Variants in PCDHGA7 observed in about 807,000 individuals in gnomAD.
PCDHGA7 encodes the protein protocadherin gamma subfamily A, 7, also known as protocadherin gamma-A7.
PCDHGA7 carries 44 observed loss-of-function variants against 58.3 expected under a neutral mutation model. The ratio of observed to expected loss-of-function variants is 0.75; its 90% CI spans 0.59 to 0.97. The LOEUF (loss-of-function observed/expected upper bound fraction) is 0.97. Ranked by LOEUF, PCDHGA7 falls within the 50% of genes least tolerant of loss-of-function variation. The probability of loss-of-function intolerance (pLI) is 0.00; values close to 1 mark genes in which losing one functional copy is unlikely to be tolerated. For missense variants in PCDHGA7, 1,266 were observed against 1,188.7 expected (o/e 1.06, Z -0.96); for synonymous variants, 516 against 504.2 (o/e 1.02, Z -0.31).
rs755190269 is a variant in PCDHGA7 at position 141,385,225 on chromosome 5, G to A, written c.2326G>A (p.Val776Ile). 9.9e-6 allele frequency: 16 copies of A among 1,614,114 alleles called. No individual in the cohort carries two copies. Among genetic ancestry groups the A allele is most frequent in the Non-Finnish European group, 1.3e-5 (15 of 1,180,054 alleles). Residue 776 changes from valine to isoleucine, a missense_variant, in exon 1 of 4, where the codon GTA (valine) becomes ATA (isoleucine). Transcript: ENST00000518325. The part of the protein sequence containing the change: ...SHLIFPQPNY[V>I]DMLISQESCE... ...CCTGATCTTCCCCCAGCCCAACTAT[G>A]TAGACATGCTCATCAGCCAGGAGAG...
intron 1 of PCDHGA7, chr5:141,410,439 G>C: frequency 6.2e-7 from 1 of 1,614,008 alleles, no homozygotes; most frequent in Non-Finnish European, 8.5e-7. Context: ...TACAGTGAGG[G>C]GACTTTGCCT....
rs374042624 is a variant in PCDHGA7, at chr5:141,394,490, G to A, written c.2424+9167G>A. The A allele has an allele frequency of 3.7e-6, 6 of 1,614,058 alleles. No individual in the cohort carries two copies. In the Admixed American group the frequency reaches 5.0e-5, roughly 13 times the overall value. ...TCGTGCTGGACCAGAATGACAACGCGCCCGAGATCCTGTACCCCGCCCTCC... is the reference window on the plus strand; with the variant it reads ...TCGTGCTGGACCAGAATGACAACGCACCCGAGATCCTGTACCCCGCCCTCC... On this transcript the variant is annotated intron_variant, in intron 1 of 3. Transcript: ENST00000518325.
chr5:141,396,698 A>G (rs1003976752), intron 1 of PCDHGA7: 8 of 152,182 alleles, frequency 5.3e-5, no homozygotes, highest in African/African-American at 1.9e-4. Context: ...ACCTTCTTGT[A>G]GCATTTGAAT....
intron 1 of PCDHGA7, among the ~76,000 whole-genome samples, chr5:141,464,833 G>A (rs1015373577): frequency 6.6e-6 from 1 of 151,990 alleles, no homozygotes; most frequent in African/African-American, 2.4e-5. Context: ...CGCACTCCTG[G>A]GCTCAAGCAA....
chr5:141,492,384 C>G (rs1001189412), intron 1 of PCDHGA7, among the ~76,000 whole-genome samples: 1 of 152,230 alleles, frequency 6.6e-6, no homozygotes, highest in Non-Finnish European at 1.5e-5. Context: ...AGGCCTGTTC[C>G]GGTCCACTCG....
At chr5:141,410,914 C>T (rs1399369063) in intron 1 of PCDHGA7, 4 of 246,122 alleles carry the variant, frequency 1.6e-5, no homozygotes, top group Admixed American at 6.8e-5. Context: ...AGTGCAGTGG[C>T]GTGATCTCTG....
At chr5:141,439,009 G>T (rs1474312524) in intron 1 of PCDHGA7, among the ~76,000 whole-genome samples, 1 of 151,594 alleles carries the variant, frequency 6.6e-6, no homozygotes, top group Non-Finnish European at 1.5e-5. Flanking sequence ...TGGTTTGTTT[G>T]TCAAATTTTG....
chr5:141,463,747 G>A (rs994400482), intron 1 of PCDHGA7, among the ~76,000 whole-genome samples: 13 of 152,082 alleles, frequency 8.5e-5, no homozygotes, highest in Middle Eastern at 3.4e-3. Context: ...CGCCCGGCCT[G>A]CTTCTCTTCT....
At chr5:141,500,959 C>T (rs2099804326) in intron 2 of PCDHGA7, among the ~76,000 whole-genome samples, 1 of 152,022 alleles carries the variant, frequency 6.6e-6, no homozygotes, top group South Asian at 2.1e-4. Flanking sequence ...AGCTCCACCT[C>T]CTGGGTTCAA....
At chr5:141,500,840 C>G (rs1394248251) in intron 2 of PCDHGA7, among the ~76,000 whole-genome samples, 1 of 151,966 alleles carries the variant, frequency 6.6e-6, no homozygotes, top group Non-Finnish European at 1.5e-5. Context: ...TGCTAATGGG[C>G]TTTTGCTACA....
chr5:141,478,336 C>T, intron 1 of PCDHGA7: 2 of 1,613,950 alleles, frequency 1.2e-6, no homozygotes, highest in South Asian at 2.2e-5. Context: ...CACCAGGGCC[C>T]TCCTTGCACG....
chr5:141,403,719 C>T (rs758160960), intron 1 of PCDHGA7: 2 of 1,613,864 alleles, frequency 1.2e-6, no homozygotes, highest in Non-Finnish European at 1.7e-6. Context: ...GAGAACGTGC[C>T]CCCAGGCACC....
chr5:141,397,910 C>T lies in PCDHGA7; in HGVS notation c.2424+12587C>T. 5 of 680,806 alleles carry T rather than the reference C, an allele frequency of 7.3e-6. No individual in the cohort carries two copies. The South Asian group carries it at 8.1e-5, about 11-fold the overall frequency. 42.2% of individuals were successfully genotyped at this position (680,806 alleles called of 1,614,324 possible). On this transcript the variant is annotated intron_variant, in intron 1 of 3. Transcript: ENST00000518325. ...TGGCCAAAGTGCAGAGCTTGGCGCT[C>T]CAGATCTCCTCGCGCAGCCGCAGCG...
In PCDHGA7 at chr5:141,490,745, C is replaced by T. The variant is rs769031787; in HGVS notation, c.2425-4062C>T. 22 of 1,614,120 alleles carry T rather than the reference C, an allele frequency of 1.4e-5. No individual in the cohort carries two copies. Among genetic ancestry groups the T allele is most frequent in the Non-Finnish European group, 1.9e-5 (22 of 1,180,050 alleles). On this transcript the variant is annotated intron_variant, in intron 1 of 3. Transcript: ENST00000518325. The surrounding 1 kb of genome is among the most constrained non-coding windows in gnomAD (Gnocchi z 5.4). Reference sequence around the variant, plus strand: ...GTAGGAAATCAGGTTCAGGGAGCCCCAGCCTCCTCCTTTGTGTATGTCAAC... The same window carrying T: ...GTAGGAAATCAGGTTCAGGGAGCCCTAGCCTCCTCCTTTGTGTATGTCAAC...
At chr5:141,424,712 G>A (rs2096836283) in intron 1 of PCDHGA7, 1 of 152,126 alleles carries the variant, frequency 6.6e-6, no homozygotes, top group Non-Finnish European at 1.5e-5. Context: ...CATTTTCAGT[G>A]TAGTTGGGAG....
At chr5:141,406,072 CTT>C (rs530474569) in intron 1 of PCDHGA7, among the ~76,000 whole-genome samples, 69 of 141,430 alleles carry the variant, frequency 4.9e-4, no homozygotes, top group African/African-American at 9.6e-4. Flanking sequence ...ATTCTTACTC[CTT>C]TTTTTTTTTT....
chr5:141,460,950 T>C (rs1458616371), intron 1 of PCDHGA7, among the ~76,000 whole-genome samples: 1 of 135,948 alleles, frequency 7.4e-6, no homozygotes, highest in East Asian at 2.0e-4. Flanking sequence ...ATATGTATTA[T>C]GTATATATAT....
At chr5:141,465,905 G>C (rs938438286) in intron 1 of PCDHGA7, among the ~76,000 whole-genome samples, 8 of 151,958 alleles carry the variant, frequency 5.3e-5, no homozygotes, top group Non-Finnish European at 8.8e-5. Context: ...GGCAAATCAC[G>C]AGGTCAGGAT....
At chr5:141,387,607 AG>A in intron 1 of PCDHGA7, 2 of 547,806 alleles carry the variant, frequency 3.7e-6, no homozygotes, top group Non-Finnish European at 6.4e-6. Context: ...CAGAGGCTGT[AG>A]TTTCCTAGTG....
Sources: gnomAD v4.1 joint callset for allele counts (sites outside exome capture counted in the v4.1 genomes callset) on GRCh38, gnomAD v4.1.1 for gene constraint, Gnocchi (gnomAD v3.1) non-coding constraint, MANE v1.5 for transcripts, NCBI Gene and HGNC (gene_info 2026-07-23, HGNC 2026-07-21) for gene names.